Variants in BAZ1B observed in about 807,000 individuals in gnomAD.
The protein encoded by BAZ1B is tyrosine-protein kinase BAZ1B.
A neutral mutation model predicts 153.8 loss-of-function variants in BAZ1B; 22 were observed. The ratio of observed to expected loss-of-function variants is 0.14; its 90% CI spans 0.10 to 0.20. BAZ1B has a LOEUF of 0.20. Ranked by LOEUF, BAZ1B falls within the 10% of genes least tolerant of loss-of-function variation. BAZ1B has a pLI of 1.00. For synonymous variants in BAZ1B, 676 were observed against 633.4 expected (o/e 1.07, Z -1.01); for missense variants, 1,325 against 1,799.3 (o/e 0.74, Z 4.77).
In BAZ1B at chr7:73,450,121, C is replaced by CA. The variant is rs1259124495; in HGVS notation, c.3581-433dup. On this transcript the variant is annotated intron_variant, in intron 14 of 19. Coordinates refer to ENST00000339594, the MANE Select transcript of BAZ1B (RefSeq NM_032408.4). This position sits in a 1 kb window ranked among gnomAD's most constrained non-coding sequence, Gnocchi z 4.1. ...GGAGTGCAGTGGCGCGATCTCGGCT[C>CA]ACTGCAACCTCCGCCTCCCGGGTTC... Among the ~76,000 whole-genome samples the CA allele has an allele frequency of 6.6e-6, 1 of 151,842 alleles. No individual in the cohort carries two copies. The highest frequency in any genetic ancestry group is 1.5e-5 in the Non-Finnish European group (1 of 67,992).
chr7:73,489,081 A>T, intron 6 of BAZ1B, 113 bp downstream of exon 6: 1 of 1,141,844 alleles, frequency 8.8e-7, no homozygotes, highest in Non-Finnish European at 1.2e-6. Context: ...AAAAATTTTT[A>T]ATTCATTATC....
chr7:73,504,934 C>CA (rs1790275678), intron 3 of BAZ1B, among the ~76,000 whole-genome samples: 1 of 152,076 alleles, frequency 6.6e-6, no homozygotes, highest in Admixed American at 6.6e-5. Context: ...ATTATTGAAA[C>CA]AAAGAAAGAA....
intron 3 of BAZ1B, among the ~76,000 whole-genome samples, chr7:73,506,299 C>G (rs1790336905): frequency 6.6e-6 from 1 of 151,384 alleles, no homozygotes; most frequent in South Asian, 2.1e-4. Flanking sequence ...GAGATTGAGA[C>G]CATCCTGGCT....
At position 73,507,042 on chromosome 7, in the gene BAZ1B, C is replaced by G. The variant is rs573694148; in HGVS notation, c.369+1285G>C. 5.7e-4 allele frequency among the ~76,000 whole-genome samples: 86 copies of G among 150,734 alleles called. 1 individual carries two copies. The highest frequency in any genetic ancestry group is 2.0e-3 in the African/African-American group (84 of 41,170). ...TACAGGCGCCCGCCACCACGGCCGGCTAATTTTTTATATTTTTAGTAGAGA... is the reference window on the plus strand; with the variant it reads ...TACAGGCGCCCGCCACCACGGCCGGGTAATTTTTTATATTTTTAGTAGAGA... On this transcript the variant is annotated intron_variant, in intron 3 of 19. Transcript: ENST00000339594.
At position 73,465,430 on chromosome 7, in the gene BAZ1B, A is replaced by G. The variant is rs1788547169; in HGVS notation, c.3071+9T>C. The stretch of plus-strand genomic sequence containing the variant: ...GTAAGATGTGAGGAGTAAGATGAAA[A>G]CCTCTTACCTCTTCTCTAGTCTCTC... On this transcript the variant is annotated intron_variant, in intron 11 of 19. Coordinates refer to ENST00000339594, the MANE Select transcript of BAZ1B (RefSeq NM_032408.4). 1 of 1,536,662 alleles carries G rather than the reference A, an allele frequency of 6.5e-7. No homozygotes were observed. The highest frequency in any genetic ancestry group is 8.9e-7 in the Non-Finnish European group (1 of 1,129,840).
chr7:73,466,509 C>A, intron 9 of BAZ1B, 108 bp from the exon 10 acceptor site: 1 of 673,608 alleles, frequency 1.5e-6, no homozygotes, highest in Non-Finnish European at 2.6e-6. Flanking sequence ...AACACAGATA[C>A]TTCCTGTGAA....
In BAZ1B at chr7:73,494,685, G is replaced by T. The variant is rs1256953096; in HGVS notation, c.572-1764C>A. On this transcript the variant is annotated intron_variant, in intron 4 of 19. Transcript: ENST00000339594. ...GATCACTTGAGCCTGGGAGGTTGAG[G>T]CTGCAATGAGCTATGATCACACCAC... is the stretch of plus-strand genomic sequence containing the variant. Among the ~76,000 whole-genome samples the T allele has an allele frequency of 1.9e-4, 29 of 152,078 alleles. 1 individual carries two copies.
chr7:73,515,824 T>C (rs781933666), intron 1 of BAZ1B, among the ~76,000 whole-genome samples: 3 of 152,054 alleles, frequency 2.0e-5, no homozygotes, highest in South Asian at 2.1e-4. Flanking sequence ...TGAACAACCA[T>C]ACCAGGTGTC....
intron 15 of BAZ1B, among the ~76,000 whole-genome samples, chr7:73,448,509 T>C (rs1375530855): frequency 6.6e-6 from 1 of 152,224 alleles, no homozygotes; most frequent in East Asian, 1.9e-4. Flanking sequence ...GAGACAGACA[T>C]GTATAAAACC....
At chr7:73,466,962 C>T (rs976355287) in intron 9 of BAZ1B, among the ~76,000 whole-genome samples, 4 of 152,120 alleles carry the variant, frequency 2.6e-5, no homozygotes, top group Non-Finnish European at 1.5e-5. Context: ...GATAGAGTCT[C>T]GCTCTGTCGC....
intron 9 of BAZ1B, 120 bp downstream of exon 9, chr7:73,469,397 G>C: frequency 7.8e-7 from 1 of 1,279,332 alleles, no homozygotes; most frequent in Non-Finnish European, 1.1e-6. Flanking sequence ...CACTCAAATA[G>C]ATCTAAGACC....
In BAZ1B at chr7:73,477,550, A is replaced by G. The variant is rs983998902; in HGVS notation, c.1911T>C (p.Leu637=). 36 of 1,614,064 alleles carry G rather than the reference A, an allele frequency of 2.2e-5. No homozygotes were observed. The highest frequency in any genetic ancestry group is 2.9e-5 in the Non-Finnish European group (34 of 1,180,036). The change falls in exon 7 of 20, where the codon CTT becomes CTC. Residue 637 remains leucine, a synonymous_variant. Transcript: ENST00000339594. This position sits in a 1 kb window ranked among gnomAD's most constrained non-coding sequence, Gnocchi z 5.6. ...CCTTATCTGCACTCAAGGCTTCCAT[A>G]AGGGACACAGCAGTAATAGGATACT... ...DAQYPITAVS[L]MEALSADKGG...
Position 73,459,550 on chromosome 7 carries a change from C to T in BAZ1B, c.3418G>A (p.Val1140Ile), listed in dbSNP as rs1222189095. 1 of 1,612,384 alleles carries T rather than the reference C, an allele frequency of 6.2e-7. No homozygotes were observed. Among genetic ancestry groups the T allele is most frequent in the Non-Finnish European group, 8.5e-7 (1 of 1,179,636 alleles). The change falls in exon 13 of 20, where the codon GTA becomes ATA. Residue 1140 changes from valine (V) to isoleucine (I), a missense_variant. Transcript: ENST00000339594. ...TEEVDEEKKMVEEAKVASALE... is the reference protein window; with the variant it reads ...TEEVDEEKKMIEEAKVASALE... ...CAACAAAATACCTTTGCTTCCTCTA[C>T]CATTTTCTTCTCTTCATCCACTTCC... is the stretch of plus-strand genomic sequence containing the variant.
rs1043101882 is a variant in BAZ1B at position 73,442,619 on chromosome 7, C to T, written c.4095-66G>A. 12 of 1,555,222 alleles carry T rather than the reference C, an allele frequency of 7.7e-6. No homozygotes were observed. In the East Asian group the frequency reaches 1.4e-4, roughly 18 times the overall value. ...CGGCAGTGCCCCTGCCACTGAGACA[C>T]GTCCTGAAAAGCAAGGGCTTGGCTG... On this transcript the variant is annotated intron_variant, in intron 18 of 19. Transcript: ENST00000339594.
chr7:73,465,343 T>C (rs1345544440), intron 11 of BAZ1B, 96 bp downstream of exon 11: 3 of 771,994 alleles, frequency 3.9e-6, no homozygotes, highest in Non-Finnish European at 6.0e-6. Flanking sequence ...ATATTTTACT[T>C]TAGTAACTTA....
intron 4 of BAZ1B, 82 bp from the exon 5 acceptor site, chr7:73,493,003 G>T: frequency 7.0e-7 from 1 of 1,421,890 alleles, no homozygotes. Context: ...TTAACTGAAC[G>T]TCTGCTCTTC....
chr7:73,459,535 C>A lies in BAZ1B; in HGVS notation c.3432+1G>T. 6.2e-7 allele frequency: 1 copy of A among 1,611,082 alleles called. No homozygotes were observed. The highest frequency in any genetic ancestry group is 1.1e-5 in the South Asian group (1 of 90,872). On this transcript the variant is annotated splice_donor_variant, in intron 13 of 19. Coordinates refer to ENST00000339594, the MANE Select transcript of BAZ1B (RefSeq NM_032408.4). LOFTEE classifies it high-confidence loss of function. ...AACTACAACTTATAACAACAAAATA[C>A]CTTTGCTTCCTCTACCATTTTCTTC...
At chr7:73,453,922 G>A (rs1554568999) in intron 13 of BAZ1B, among the ~76,000 whole-genome samples, 1 of 152,148 alleles carries the variant, frequency 6.6e-6, no homozygotes, top group African/African-American at 2.4e-5. Context: ...AGGCTGTAGT[G>A]AGCCAAGATC....
intron 1 of BAZ1B, among the ~76,000 whole-genome samples, chr7:73,513,494 A>C (rs1554578850): frequency 6.6e-6 from 1 of 152,190 alleles, no homozygotes; most frequent in Admixed American, 6.6e-5. Flanking sequence ...TAAAAACCTG[A>C]GTCAGACTTC....
Sources: allele counts gnomAD v4.1 joint callset (sites outside exome capture counted in the v4.1 genomes callset), GRCh38; gene constraint gnomAD v4.1.1; non-coding constraint Gnocchi (gnomAD v3.1); transcripts MANE v1.5; gene names NCBI Gene and HGNC (gene_info 2026-07-23, HGNC 2026-07-21).